ZNF385D: variants seen among roughly 807,000 people sequenced by gnomAD.
The protein encoded by ZNF385D is zinc finger protein 385D, also known as zinc finger protein 659.
Under a neutral mutation model 35.8 loss-of-function variants are expected in ZNF385D, and 15 were observed. That is an observed-to-expected ratio of 0.42 (90% CI 0.28 to 0.64). The LOEUF (loss-of-function observed/expected upper bound fraction) is 0.64, where lower values mean the gene tolerates loss of function less well. ZNF385D is among the 30% of genes least tolerant of loss of function. The pLI is 0.23. For missense variants in ZNF385D, 474 were observed against 494.6 expected, an observed-to-expected ratio of 0.96 and a Z score of 0.39; for synonymous variants, 212 against 186.8, an observed-to-expected ratio of 1.13 and a Z score of -1.10.
intron 2 of ZNF385D, among the ~76,000 whole-genome samples, chr3:22,334,475 T>A (rs1695077725): frequency 6.6e-6 from 1 of 152,150 alleles, no homozygotes; most frequent in Non-Finnish European, 1.5e-5. Context: ...TACCCACACT[T>A]TTACCATTGC....
intron 2 of ZNF385D, among the ~76,000 whole-genome samples, chr3:21,637,358 G>A: frequency 6.6e-6 from 1 of 152,046 alleles, no homozygotes; most frequent in East Asian, 1.9e-4. Context: ...TGAAAAGGGT[G>A]TCCTTTCCCC....
intron 2 of ZNF385D, among the ~76,000 whole-genome samples, chr3:22,174,327 C>A (rs191990912): frequency 2.2e-4 from 34 of 152,168 alleles, no homozygotes; most frequent in African/African-American, 7.9e-4. Context: ...GTCAAAGTGG[C>A]AAACCTCTAA....
chr3:22,357,317 G>A (rs547608435), intron 2 of ZNF385D, among the ~76,000 whole-genome samples: 1 of 151,962 alleles, frequency 6.6e-6, no homozygotes, highest in African/African-American at 2.4e-5. Flanking sequence ...GTGGTGGACA[G>A]GTTTTCTCAC....
chr3:21,972,779 T>C (rs1703344603), intron 3 of ZNF385D, among the ~76,000 whole-genome samples: 1 of 151,946 alleles, frequency 6.6e-6, no homozygotes, highest in African/African-American at 2.4e-5. Context: ...AAAGGATGAC[T>C]AGAGGCTACT....
chr3:21,449,542 A>G (rs925639945), intron 4 of ZNF385D, among the ~76,000 whole-genome samples: 1 of 152,206 alleles, frequency 6.6e-6, no homozygotes, highest in African/African-American at 2.4e-5. Context: ...GTTTTTTATT[A>G]TCAATATTTC....
intron 3 of ZNF385D, among the ~76,000 whole-genome samples, chr3:22,125,171 T>A (rs921655755): frequency 2.0e-5 from 3 of 152,176 alleles, no homozygotes; most frequent in Non-Finnish European, 4.4e-5. Flanking sequence ...TTGAAGAGAC[T>A]ATCCTTTTCC....
At chr3:22,208,692 T>C (rs1697317422) in intron 2 of ZNF385D, among the ~76,000 whole-genome samples, 1 of 148,006 alleles carries the variant, frequency 6.8e-6, no homozygotes, top group Admixed American at 6.8e-5. Context: ...TACACACCTA[T>C]TATGTACCCA....
At chr3:21,750,295 G>A (rs1216886505) in intron 1 of ZNF385D, among the ~76,000 whole-genome samples, 2 of 152,132 alleles carry the variant, frequency 1.3e-5, no homozygotes, top group African/African-American at 4.8e-5. Context: ...GCACAAAACT[G>A]ACCTGCACAA....
chr3:21,974,157 T>A (rs1489035218), intron 3 of ZNF385D, among the ~76,000 whole-genome samples: 2 of 152,050 alleles, frequency 1.3e-5, no homozygotes, highest in African/African-American at 4.8e-5. Flanking sequence ...GGAATCACAT[T>A]ACCTGACTCC....
At chr3:21,693,643 A>G (rs1302756712) in intron 1 of ZNF385D, among the ~76,000 whole-genome samples, 2 of 152,188 alleles carry the variant, frequency 1.3e-5, no homozygotes, top group Non-Finnish European at 2.9e-5. Context: ...CCAAAAAAGT[A>G]TATGTCCTTT....
chr3:21,846,726 G>T, intron 3 of ZNF385D, among the ~76,000 whole-genome samples: 1 of 152,016 alleles, frequency 6.6e-6, no homozygotes, highest in East Asian at 1.9e-4. Flanking sequence ...TAGCTTTAGA[G>T]AGAGAGGATG....
chr3:22,012,064 C>A (rs1011477507), intron 3 of ZNF385D, among the ~76,000 whole-genome samples: 2 of 152,088 alleles, frequency 1.3e-5, no homozygotes, highest in South Asian at 2.1e-4. Context: ...CAACTTTGTG[C>A]AAGGGTTCCT....
At chr3:21,606,522 G>A (rs2064490030) in intron 2 of ZNF385D, among the ~76,000 whole-genome samples, 1 of 152,166 alleles carries the variant, frequency 6.6e-6, no homozygotes, top group Non-Finnish European at 1.5e-5. Flanking sequence ...TGATATAGAT[G>A]AAGAAACTGA....
At chr3:21,836,124 T>C (rs1695313080) in intron 3 of ZNF385D, among the ~76,000 whole-genome samples, 1 of 151,966 alleles carries the variant, frequency 6.6e-6, no homozygotes, top group African/African-American at 2.4e-5. Flanking sequence ...GAAGCAAATT[T>C]TGGGGAAAAA....
At chr3:21,779,238 A>G (rs2071403436) in intron 3 of ZNF385D, among the ~76,000 whole-genome samples, 1 of 151,968 alleles carries the variant, frequency 6.6e-6, no homozygotes, top group South Asian at 2.1e-4. Flanking sequence ...GCCAAATGCA[A>G]TATACTCTGC....
chr3:21,951,037 T>G (rs961697809), intron 3 of ZNF385D, among the ~76,000 whole-genome samples: 1 of 151,744 alleles, frequency 6.6e-6, no homozygotes, highest in African/African-American at 2.4e-5. Flanking sequence ...GGGCTCTTTT[T>G]TGGTTCTCAT....
chr3:21,874,837 A>G (rs760851653), intron 3 of ZNF385D, among the ~76,000 whole-genome samples: 10 of 152,092 alleles, frequency 6.6e-5, no homozygotes, highest in Non-Finnish European at 1.3e-4. Context: ...ACATTTTAAC[A>G]ATATTAAGTA....
chr3:22,076,427 C>T (rs982673372), intron 3 of ZNF385D, among the ~76,000 whole-genome samples: 1 of 151,868 alleles, frequency 6.6e-6, no homozygotes, highest in Non-Finnish European at 1.5e-5. Flanking sequence ...TCCCCCACAT[C>T]CTATTTTTTA....
At chr3:21,519,311 G>A (rs1707773001) in intron 3 of ZNF385D, among the ~76,000 whole-genome samples, 1 of 152,056 alleles carries the variant, frequency 6.6e-6, no homozygotes, top group Non-Finnish European at 1.5e-5. Flanking sequence ...GTACTTACAT[G>A]GCTGTGAAAA....
Sources: gnomAD v4.1 joint callset for allele counts (sites outside exome capture counted in the v4.1 genomes callset) on GRCh38, gnomAD v4.1.1 for gene constraint, MANE v1.5 for transcripts, NCBI Gene and HGNC (gene_info 2026-07-23, HGNC 2026-07-21) for gene names.